Variants in CFH observed in about 807,000 individuals in gnomAD.
CFH encodes the protein complement factor H.
CFH carries 53 observed loss-of-function variants against 147.3 expected under a neutral mutation model. That is an observed-to-expected ratio of 0.36 (90% CI 0.29 to 0.45). The LOEUF is 0.45. CFH is among the 20% of genes least tolerant of loss of function. The pLI is 1.00. For missense variants in CFH, 1,380 were observed against 1,498.0 expected (o/e 0.92, Z 1.30); for synonymous variants, 536 against 489.4 (o/e 1.10, Z -1.26).
chr1:196,743,412 A>G, intron 19 of CFH, 40 bp from the exon 20 acceptor site: 1 of 1,612,824 alleles, frequency 6.2e-7, no homozygotes, highest in Non-Finnish European at 8.5e-7. Context: ...GCTACTCAAA[A>G]TGAACACTAG....
At chr1:196,714,543 T>G (rs1340838797) in intron 10 of CFH, among the ~76,000 whole-genome samples, 2 of 148,828 alleles carry the variant, frequency 1.3e-5, no homozygotes, top group African/African-American at 5.0e-5. Flanking sequence ...TATGAAAATT[T>G]TCTGGGAACA....
intron 14 of CFH, among the ~76,000 whole-genome samples, chr1:196,727,658 T>C (rs1293485838): frequency 6.6e-6 from 1 of 152,174 alleles, no homozygotes; most frequent in African/African-American, 2.4e-5. Flanking sequence ...AAATACCTAC[T>C]TACTACTCTC....
chr1:196,725,109 A>G lies in CFH; in HGVS notation c.1697-12A>G, dbSNP rs1669104780. 6.2e-7 allele frequency: 1 copy of G among 1,605,128 alleles called. No individual in the cohort carries two copies. The highest frequency in any genetic ancestry group is 1.3e-5 in the African/African-American group (1 of 74,718). ...TTATATATTCTCATGAAATTATTTT[A>G]CCTTTTTCAAGAAAGAGAATGCGAA... On this transcript the variant is annotated splice_polypyrimidine_tract_variant and intron_variant, in intron 11 of 21. Transcript: ENST00000367429.
chr1:196,705,876 T>C (rs1045537696), intron 9 of CFH, among the ~76,000 whole-genome samples: 4 of 152,198 alleles, frequency 2.6e-5, no homozygotes, highest in Non-Finnish European at 5.9e-5. Flanking sequence ...TCCTGGATAA[T>C]CCTAGTGTTA....
Position 196,710,057 on chromosome 1 carries a change from C to A in CFH, c.1337-3678C>A, listed in dbSNP as rs12047106. 4.8e-4 allele frequency among the ~76,000 whole-genome samples: 72 copies of A among 151,336 alleles called. 1 individual carries two copies. Among genetic ancestry groups the A allele is most frequent in the African/African-American group, 1.7e-3 (70 of 41,286 alleles). On this transcript the variant is annotated intron_variant, in intron 9 of 21. Transcript: ENST00000367429. ...ACACAAACATACACACACAGACACA[C>A]AGACACACACATCAGCTGGTCTAAA...
At position 196,742,308 on chromosome 1, in the gene CFH, G is replaced by A. The variant is rs140457772; in HGVS notation, c.3133+257G>A. 3.2e-4 allele frequency among the ~76,000 whole-genome samples: 48 copies of A among 152,262 alleles called. No individual in the cohort carries two copies. In the East Asian group the frequency reaches 8.9e-3, roughly 28 times the overall value. The stretch of plus-strand genomic sequence containing the variant: ...GGAGAATCGCTTGAACCAGGGAGAT[G>A]AAGATTGAAGTGGGCCAAGATCGTG... On this transcript the variant is annotated intron_variant, in intron 19 of 21. Coordinates refer to ENST00000367429, the MANE Select transcript of CFH (RefSeq NM_000186.4).
chr1:196,663,982 T>C lies in CFH; in HGVS notation c.59-8996T>C, dbSNP rs372410786. On this transcript the variant is annotated intron_variant, in intron 1 of 21. Coordinates refer to ENST00000367429, the MANE Select transcript of CFH (RefSeq NM_000186.4). ...GGGTTCTGATTATACCAAGATATGT[T>C]ATGGTAATTCTTTACTGTCTCGTCA... 2.0e-5 allele frequency among the ~76,000 whole-genome samples: 3 copies of C among 152,324 alleles called. No individual in the cohort carries two copies. The East Asian group carries it at 5.8e-4, about 29-fold the overall frequency.
chr1:196,687,988 C>T (rs1431542385), intron 7 of CFH, among the ~76,000 whole-genome samples: 1 of 151,700 alleles, frequency 6.6e-6, no homozygotes, highest in African/African-American at 2.4e-5. Flanking sequence ...AATGTAGAAA[C>T]TACATGAAAA....
chr1:196,701,425 T>C, intron 9 of CFH: 1 of 1,576,024 alleles, frequency 6.3e-7, no homozygotes, highest in Non-Finnish European at 8.7e-7. Context: ...GGTCAATACT[T>C]GGGTCCTGAG....
At position 196,715,577 on chromosome 1, in the gene CFH, A is replaced by G; in HGVS notation, c.1520-16A>G. On this transcript the variant is annotated splice_polypyrimidine_tract_variant and intron_variant, in intron 10 of 21. Transcript: ENST00000367429. ...GATGACATTAGAAATGACATTCTAA[A>G]TTTTTTATGCACTAGAATCTTGTGA... 3 of 1,597,302 alleles carry G rather than the reference A, an allele frequency of 1.9e-6. No homozygotes were observed. Among genetic ancestry groups the G allele is most frequent in the Non-Finnish European group, 2.6e-6 (3 of 1,165,322 alleles).
chr1:196,691,164 T>C (rs1573029071), intron 9 of CFH, among the ~76,000 whole-genome samples: 2 of 152,236 alleles, frequency 1.3e-5, no homozygotes, highest in Admixed American at 6.6e-5. Context: ...AATATTAATA[T>C]GTACATTGGA....
intron 1 of CFH, among the ~76,000 whole-genome samples, chr1:196,667,654 A>C (rs1284624961): frequency 3.3e-5 from 5 of 152,108 alleles, no homozygotes; most frequent in Non-Finnish European, 7.4e-5. Context: ...TTGTATGTTT[A>C]GTATGGTGAT....
chr1:196,745,778 C>G, intron 20 of CFH, 39 bp from the exon 21 acceptor site: 1 of 1,612,876 alleles, frequency 6.2e-7, no homozygotes, highest in South Asian at 1.1e-5. Context: ...TTTTGATTTG[C>G]TCTCACAACA....
intron 1 of CFH, among the ~76,000 whole-genome samples, chr1:196,662,824 C>T (rs546458905): frequency 5.3e-5 from 8 of 151,816 alleles, no homozygotes; most frequent in African/African-American, 1.9e-4. Context: ...AGGGTCGCAG[C>T]GAGCTAAAAT....
At chr1:196,689,350 A>G (rs1667944747) in intron 7 of CFH, 70 bp from the exon 8 acceptor site, 1 of 1,378,264 alleles carries the variant, frequency 7.3e-7, no homozygotes, top group South Asian at 1.3e-5. Context: ...AGTGATAAAA[A>G]TTTATCTCTA....
intron 9 of CFH, among the ~76,000 whole-genome samples, chr1:196,711,047 T>G (rs1203214560): frequency 1.3e-5 from 2 of 152,136 alleles, no homozygotes; most frequent in South Asian, 4.1e-4. Context: ...GTCATTTCTG[T>G]CATTGCTGTT....
intron 9 of CFH, among the ~76,000 whole-genome samples, chr1:196,703,432 C>A (rs1668509873): frequency 6.6e-6 from 1 of 152,272 alleles, no homozygotes; most frequent in African/African-American, 2.4e-5. Flanking sequence ...AAGAAAAAGA[C>A]CAGAAATGGT....
intron 14 of CFH, 132 bp downstream of exon 14, chr1:196,727,072 T>A: frequency 1.3e-6 from 1 of 748,920 alleles, no homozygotes; most frequent in Non-Finnish European, 2.3e-6. Flanking sequence ...GAGACCAATC[T>A]TTTGCATATT....
rs569219 is a variant in CFH, at chr1:196,661,492, G to T, written c.58+9317G>T. 6.1e-3 allele frequency among the ~76,000 whole-genome samples: 926 copies of T among 152,232 alleles called. 9 individuals carry two copies. Among genetic ancestry groups the T allele is most frequent in the African/African-American group, 0.021 (864 of 41,528 alleles). On this transcript the variant is annotated intron_variant, in intron 1 of 21. Coordinates refer to ENST00000367429, the MANE Select transcript of CFH (RefSeq NM_000186.4). Reference sequence around the variant, plus strand: ...TACCAGCAGATTCAGTGTTTGGTGAGGTCTGCTCTCTGGTTCATAGACAGT... The same window carrying T: ...TACCAGCAGATTCAGTGTTTGGTGATGTCTGCTCTCTGGTTCATAGACAGT...
Sources: allele counts gnomAD v4.1 joint callset (sites outside exome capture counted in the v4.1 genomes callset), GRCh38; gene constraint gnomAD v4.1.1; transcripts MANE v1.5; gene names NCBI Gene and HGNC (gene_info 2026-07-23, HGNC 2026-07-21).